Variants in HGS observed in about 807,000 individuals in gnomAD.
HGS encodes human growth factor-regulated tyrosine kinase substrate.
In HGS, 63 loss-of-function variants were observed where a neutral mutation model predicts 109.7. That is an observed-to-expected ratio of 0.57 (90% CI 0.47 to 0.71). HGS has a LOEUF of 0.71. HGS is among the 30% of genes least tolerant of loss of function. HGS has a pLI of 0.00. For synonymous variants in HGS, 546 were observed against 437.3 expected (o/e 1.25, Z -3.10); for missense variants, 995 against 1,068.3 (o/e 0.93, Z 0.96).
At chr17:81,698,535 T>TA (rs1275522932) in intron 18 of HGS, among the ~76,000 whole-genome samples, 1 of 152,164 alleles carries the variant, frequency 6.6e-6, no homozygotes, top group Non-Finnish European at 1.5e-5. Context: ...TGTTGCTAGA[T>TA]ACTCTGTGCT....
At chr17:81,697,330 C>A (rs1035382668) in intron 18 of HGS, 5 of 213,264 alleles carry the variant, frequency 2.3e-5, no homozygotes, top group Non-Finnish European at 4.6e-5. Context: ...AACAGCACGC[C>A]CCCTGCTGCG....
At position 81,697,046 on chromosome 17, in the gene HGS, A is replaced by G. The variant is rs1346562582; in HGVS notation, c.1882+48A>G. On this transcript the variant is annotated intron_variant, in intron 18 of 21. Coordinates refer to ENST00000329138, the MANE Select transcript of HGS (RefSeq NM_004712.5). The stretch of plus-strand genomic sequence containing the variant: ...ACCATGCCTTTTATCCCTCGTCTTT[A>G]TTTTAGCCGAATTTACAGAAAAGCA... 2.7e-6 allele frequency: 4 copies of G among 1,488,280 alleles called. No individual in the cohort carries two copies. In the South Asian group the frequency reaches 5.2e-5, roughly 19 times the overall value. 92.2% of individuals were successfully genotyped at this position (1,488,280 alleles called of 1,614,324 possible). A position where few individuals can be genotyped will look rare whatever the true frequency, so the allele number is the denominator to read the frequency against.
intron 8 of HGS, chr17:81,692,605 C>T (rs1186672205): frequency 6.6e-6 from 1 of 152,300 alleles, no homozygotes; most frequent in Non-Finnish European, 1.5e-5. Context: ...CAGCGCCATT[C>T]CTGCCTTCAC....
Position 81,690,666 on chromosome 17 carries a change from C to G in HGS, c.469-8C>G. 6.2e-7 allele frequency: 1 copy of G among 1,611,118 alleles called. No individual in the cohort carries two copies. Among genetic ancestry groups the G allele is most frequent in the Non-Finnish European group, 8.5e-7 (1 of 1,178,876 alleles). ...AAGCGTGTGGTCCTGACTGCTGCCC[C>G]TCCTCAGGCCCCAGACTGGGTGGAC... On this transcript the variant is annotated splice_region_variant and splice_polypyrimidine_tract_variant and intron_variant, in intron 6 of 21. Transcript: ENST00000329138.
intron 4 of HGS, among the ~76,000 whole-genome samples, chr17:81,687,396 C>T (rs912100750): frequency 6.6e-6 from 1 of 152,110 alleles, no homozygotes; most frequent in South Asian, 2.1e-4. Flanking sequence ...TGGGCACCTG[C>T]TGTCTTAGGG....
intron 5 of HGS, among the ~76,000 whole-genome samples, chr17:81,689,587 CT>C (rs1438975613): frequency 6.6e-5 from 10 of 152,132 alleles, no homozygotes; most frequent in Admixed American, 1.3e-4. Flanking sequence ...GAAGACGAGG[CT>C]GAGAGCGTGG....
chr17:81,694,568 C>T (rs1169576179), intron 11 of HGS, among the ~76,000 whole-genome samples: 2 of 152,218 alleles, frequency 1.3e-5, no homozygotes, highest in Non-Finnish European at 2.9e-5. Flanking sequence ...CCAGTGCCAC[C>T]CTGTTCCTCC....
At chr17:81,701,152 C>A (rs779178752) in intron 21 of HGS, 21 bp downstream of exon 21, 13 of 1,602,294 alleles carry the variant, frequency 8.1e-6, no homozygotes, top group Non-Finnish European at 1.0e-5. Flanking sequence ...CCCGGGGCCT[C>A]ACAGCGGCAC....
chr17:81,693,955 C>T lies in HGS; in HGVS notation c.926C>T (p.Ser309Phe), dbSNP rs368956382. The change falls in exon 11 of 22, where the codon TCT becomes TTT. Residue 309 changes from serine to phenylalanine, a missense_variant. Transcript: ENST00000329138. ...GCGCCCCCCGCCAGCAGCCTGTACT[C>T]TTCACCTGTGGTGAGCGGCCCTTGG... The part of the protein sequence containing the change: ...SSAPPASSLY[S>F]SPVNSSAPLA... The T allele has an allele frequency of 2.3e-5, 37 of 1,609,944 alleles. No individual in the cohort carries two copies. The highest frequency in any genetic ancestry group is 2.9e-5 in the Non-Finnish European group (34 of 1,179,340).
In HGS at chr17:81,691,771, CAG is replaced by C. The variant is rs562873786; in HGVS notation, c.662+201_662+202del. ...CACTAGGGCAGGTGGGTGTGAGAGACAGGGCGCCGCGGCTCCAGGGACCGAGG... is the reference window on the plus strand; with the variant it reads ...CACTAGGGCAGGTGGGTGTGAGAGACGGCGCCGCGGCTCCAGGGACCGAGG... On this transcript the variant is annotated intron_variant, in intron 8 of 21. Transcript: ENST00000329138. This position sits in a 1 kb window ranked among gnomAD's most constrained non-coding sequence, Gnocchi z 5.3. 7.1e-4 allele frequency: 415 copies of C among 580,630 alleles called. 1 individual carries two copies. The highest frequency in any genetic ancestry group is 6.3e-3 in the African/African-American group (336 of 53,722). 36.0% of individuals were successfully genotyped at this position (580,630 alleles called of 1,614,324 possible). A position where few individuals can be genotyped will look rare whatever the true frequency, so the allele number is the denominator to read the frequency against.
Position 81,695,766 on chromosome 17 carries a change from G to T in HGS, c.1180-20G>T. 6.2e-7 allele frequency: 1 copy of T among 1,612,558 alleles called. No homozygotes were observed. Among genetic ancestry groups the T allele is most frequent in the South Asian group, 1.1e-5 (1 of 91,066 alleles). ...GCTGGGGCGTGGCCGCACTCATCCA[G>T]AACCCTGCTCTGCCTGCAGCCACAG... On this transcript the variant is annotated intron_variant, in intron 14 of 21. Transcript: ENST00000329138.
chr17:81,685,986 A>G (rs536364572), intron 2 of HGS, among the ~76,000 whole-genome samples: 1 of 152,208 alleles, frequency 6.6e-6, no homozygotes, highest in African/African-American at 2.4e-5. Context: ...GCTGAAGTGC[A>G]GTGGCGTGAT....
chr17:81,701,414 C>A, intron 21 of HGS, 94 bp from the exon 22 acceptor site: 1 of 1,310,982 alleles, frequency 7.6e-7, no homozygotes, highest in Non-Finnish European at 1.0e-6. Flanking sequence ...GGATTACAAG[C>A]ACTTGTGGGT....
rs760394413 is a variant in HGS, at chr17:81,700,697, C to G, written c.2019C>G (p.Asn673Lys). 7 of 1,594,116 alleles carry G rather than the reference C, an allele frequency of 4.4e-6. No individual in the cohort carries two copies. The Admixed American group carries it at 5.1e-5, about 12-fold the overall frequency. ...YQPTPTAGYQNVASQAPQSLP... is the reference protein window; with the variant it reads ...YQPTPTAGYQKVASQAPQSLP... ...CATGGCACTCATTCCCTCCGCAGAA[C>G]GTGGCCTCCCAGGCCCCACAGAGCC... The change falls in exon 20 of 22, where the codon AAC becomes AAG. Residue 673 changes from asparagine to lysine, a missense_variant and splice_region_variant. Transcript: ENST00000329138.
In HGS at chr17:81,684,081, C is replaced by T. The variant is rs1277522327; in HGVS notation, c.15C>T (p.Ser5=). Residue 5 remains serine (S), a synonymous_variant, in exon 1 of 22, where the codon AGC becomes AGT. Coordinates refer to ENST00000329138, the MANE Select transcript of HGS (RefSeq NM_004712.5). MGRG[S]GTFERLLDKA... is the part of the protein sequence containing the mutation. The stretch of plus-strand genomic sequence containing the variant: ...TGGAGGTCGCCATGGGGCGAGGCAG[C>T]GGCACCTTCGAGCGTCTCCTAGGTA... The T allele has an allele frequency of 1.3e-6, 2 of 1,593,732 alleles. No homozygotes were observed. The highest frequency in any genetic ancestry group is 1.1e-5 in the South Asian group (1 of 88,530).
In HGS at chr17:81,691,654, G is replaced by A; in HGVS notation, c.662+83G>A. 1 of 1,555,174 alleles carries A rather than the reference G, an allele frequency of 6.4e-7. No homozygotes were observed. Among genetic ancestry groups the A allele is most frequent in the Non-Finnish European group, 8.8e-7 (1 of 1,135,086 alleles). ...TCTGTCCCTCTTGGCCATGGTGCCT[G>A]AGGCCTGCAGACCCCAGAGGACCCT... On this transcript the variant is annotated intron_variant, in intron 8 of 21. Transcript: ENST00000329138. This position sits in a 1 kb window ranked among gnomAD's most constrained non-coding sequence, Gnocchi z 5.3.
intron 3 of HGS, 83 bp downstream of exon 3, chr17:81,686,470 G>A: frequency 9.9e-7 from 1 of 1,015,128 alleles, no homozygotes; most frequent in Non-Finnish European, 1.5e-6. Flanking sequence ...TTTGTCCTGT[G>A]GCCTTGCCCA....
chr17:81,689,000 C>T lies in HGS; in HGVS notation c.415+173C>T, dbSNP rs372390270. On this transcript the variant is annotated intron_variant, in intron 5 of 21. Coordinates refer to ENST00000329138, the MANE Select transcript of HGS (RefSeq NM_004712.5). ...CGTGCATGTGAGGGCGGGTTCAGAC[C>T]GGCTCCTGCCTTTCTGGACCCACGG... 1.1e-3 allele frequency among the ~76,000 whole-genome samples: 173 copies of T among 152,346 alleles called. 4 individuals carry two copies. In the South Asian group the frequency reaches 0.034, roughly 30 times the overall value.
At chr17:81,690,409 T>A in intron 6 of HGS, 175 bp downstream of exon 6, 1 of 710,542 alleles carries the variant, frequency 1.4e-6, no homozygotes, top group Non-Finnish European at 2.4e-6. Flanking sequence ...CAGGGCGAGG[T>A]GGAGACGTGG....
Sources: gnomAD v4.1 joint callset for allele counts (sites outside exome capture counted in the v4.1 genomes callset) on GRCh38, gnomAD v4.1.1 for gene constraint, Gnocchi (gnomAD v3.1) non-coding constraint, MANE v1.5 for transcripts, NCBI Gene and HGNC (gene_info 2026-07-23, HGNC 2026-07-21) for gene names.